The following SLC10A6 variants were observed in gnomAD, a reference collection of about 807,000 sequenced individuals.
SLC10A6 encodes the protein sodium-dependent organic anion transporter.
A neutral mutation model predicts 30.0 loss-of-function variants in SLC10A6; 27 were observed. The observed-to-expected ratio is 0.90, with a 90% CI of 0.66 to 1.24. The LOEUF is 1.24. SLC10A6 is among the 50% of genes most tolerant of loss of function. The pLI is 0.00. For synonymous variants in SLC10A6, 166 were observed against 173.8 expected (o/e 0.95, Z 0.36); for missense variants, 439 against 457.0 (o/e 0.96, Z 0.36).
chr4:86,849,175 C>G lies in SLC10A6; in HGVS notation c.-60G>C, dbSNP rs1198794792. 2.0e-6 allele frequency: 3 copies of G among 1,537,904 alleles called. No individual in the cohort carries two copies. The East Asian group carries it at 6.8e-5, about 35-fold the overall frequency. ...CATCGGCAACAATGGCTGGGCAGGT[C>G]TATCCTGCCACATTTTGTAATAGTG... On this transcript the variant is annotated 5_prime_UTR_variant, in exon 1 of 6. It removes the in-frame stop codon of an upstream open reading frame in the 5' UTR. Transcript: ENST00000273905.
chr4:86,835,763 A>AG (rs1746174300), intron 1 of SLC10A6, among the ~76,000 whole-genome samples: 2 of 145,520 alleles, frequency 1.4e-5, no homozygotes, highest in East Asian at 2.0e-4. Flanking sequence ...GAGAGAGAGA[A>AG]AGAAAAGAAA....
At chr4:86,826,699 G>T (rs1266445970) in intron 4 of SLC10A6, among the ~76,000 whole-genome samples, 1 of 152,064 alleles carries the variant, frequency 6.6e-6, no homozygotes, top group African/African-American at 2.4e-5. Context: ...TGGTTTTCTG[G>T]TTGCATAAAA....
At chr4:86,833,934 T>G (rs1418515772) in intron 1 of SLC10A6, among the ~76,000 whole-genome samples, 1 of 152,174 alleles carries the variant, frequency 6.6e-6, no homozygotes, top group African/African-American at 2.4e-5. Context: ...GGATTACCTG[T>G]TCTGGACATT....
intron 5 of SLC10A6, 97 bp downstream of exon 5, chr4:86,825,323 G>C: frequency 8.7e-7 from 1 of 1,154,152 alleles, no homozygotes. Flanking sequence ...GTGTATCACA[G>C]GGGCAGCACA....
chr4:86,842,786 TTTTCTTTCTTTCTTTCTTTCTTTC>T (rs757772118), intron 1 of SLC10A6, among the ~76,000 whole-genome samples: 5,134 of 106,626 alleles, frequency 0.048, 488 homozygotes, highest in Middle Eastern at 0.095. Context: ...TGGACACCTC[TTTTCTTTCTTTCTTTCTTTCTTTC>T]TTTCTTTCTT....
At chr4:86,831,573 C>T (rs958053248) in intron 3 of SLC10A6, among the ~76,000 whole-genome samples, 2 of 152,098 alleles carry the variant, frequency 1.3e-5, no homozygotes, top group African/African-American at 2.4e-5. Flanking sequence ...TTTTCCAGGG[C>T]GTCATAAGCC....
chr4:86,839,683 C>G (rs1295564189), intron 1 of SLC10A6, among the ~76,000 whole-genome samples: 2 of 152,136 alleles, frequency 1.3e-5, no homozygotes, highest in African/African-American at 4.8e-5. Context: ...ATAATAAACA[C>G]TCTCATACAT....
At position 86,823,489 on chromosome 4, in the gene SLC10A6, C is replaced by T. The variant is rs2149409742; in HGVS notation, c.*199G>A. On this transcript the variant is annotated 3_prime_UTR_variant, in exon 6 of 6. Transcript: ENST00000273905. ...AGCTCATTGATACGTTATGTTAACCCCCAGAAGAAACTCCCTGAAATGGGA... is the reference window on the plus strand; with the variant it reads ...AGCTCATTGATACGTTATGTTAACCTCCAGAAGAAACTCCCTGAAATGGGA... 2.0e-6 allele frequency: 1 copy of T among 504,808 alleles called. No homozygotes were observed. Among genetic ancestry groups the T allele is most frequent in the East Asian group, 3.1e-5 (1 of 31,788 alleles). 31.3% of individuals were successfully genotyped at this position (504,808 alleles called of 1,614,324 possible).
chr4:86,831,003 C>T (rs1746070927), intron 3 of SLC10A6, among the ~76,000 whole-genome samples: 1 of 152,114 alleles, frequency 6.6e-6, no homozygotes, highest in Non-Finnish European at 1.5e-5. Context: ...GATGGGGTCT[C>T]ACTCTGTGAT....
chr4:86,831,083 C>T (rs144055920), intron 3 of SLC10A6, among the ~76,000 whole-genome samples: 1 of 152,290 alleles, frequency 6.6e-6, no homozygotes, highest in East Asian at 1.9e-4. Flanking sequence ...AGCAATCCTC[C>T]CACCTCAGCC....
intron 2 of SLC10A6, among the ~76,000 whole-genome samples, chr4:86,832,221 G>T (rs1746092314): frequency 6.6e-6 from 1 of 152,144 alleles, no homozygotes; most frequent in African/African-American, 2.4e-5. Context: ...TGAGGAAGTG[G>T]GTTCATTCAT....
In SLC10A6 at chr4:86,837,294, G is replaced by GA. The variant is rs1560460401; in HGVS notation, c.378-3871dup. 2.4e-3 allele frequency among the ~76,000 whole-genome samples: 162 copies of GA among 68,440 alleles called. 1 individual carries two copies. The highest frequency in any genetic ancestry group is 6.3e-3 in the South Asian group (14 of 2,212). 44.9% of individuals were successfully genotyped at this position (68,440 alleles called of 152,430 possible). ...AAGAAAGAAAGAAAGAAAAAGAAAG[G>GA]AAGGAAGGAAGGAAGGAAGGAAGGA... On this transcript the variant is annotated intron_variant, in intron 1 of 5. Coordinates refer to ENST00000273905, the MANE Select transcript of SLC10A6 (RefSeq NM_197965.3).
intron 1 of SLC10A6, among the ~76,000 whole-genome samples, chr4:86,835,006 C>T (rs546130524): frequency 2.8e-4 from 42 of 152,210 alleles, no homozygotes; most frequent in Middle Eastern, 3.4e-3. Context: ...ATGAGAGATC[C>T]ACCCCATGAT....
intron 1 of SLC10A6, among the ~76,000 whole-genome samples, chr4:86,840,700 C>T (rs1468534557): frequency 6.6e-6 from 1 of 152,036 alleles, no homozygotes; most frequent in Non-Finnish European, 1.5e-5. Context: ...TTATTAAATG[C>T]CCAAGTGTAC....
intron 1 of SLC10A6, among the ~76,000 whole-genome samples, chr4:86,844,115 T>C (rs925902338): frequency 1.6e-4 from 25 of 152,198 alleles, no homozygotes; most frequent in Middle Eastern, 6.8e-3. Context: ...GAGGCAGAGC[T>C]TGCAGTGAGC....
chr4:86,831,319 C>A (rs1405784332), intron 3 of SLC10A6, among the ~76,000 whole-genome samples: 2 of 152,152 alleles, frequency 1.3e-5, no homozygotes, highest in African/African-American at 2.4e-5. Flanking sequence ...AGTCAGCAGC[C>A]CTTGCTCATG....
chr4:86,823,533 A>G lies in SLC10A6; in HGVS notation c.*155T>C, dbSNP rs1444781768. The stretch of plus-strand genomic sequence containing the variant: ...AATGGGAATCTCCAAAAGTGATCCC[A>G]TCACAATTCACAATCCACATGAAAA... On this transcript the variant is annotated 3_prime_UTR_variant, in exon 6 of 6. Coordinates refer to ENST00000273905, the MANE Select transcript of SLC10A6 (RefSeq NM_197965.3). The G allele has an allele frequency of 6.3e-6, 4 of 630,412 alleles. No individual in the cohort carries two copies. The African/African-American group carries it at 7.4e-5, about 12-fold the overall frequency. The allele number at this position is 630,412 out of a possible 1,614,324, so 39.1% of individuals were successfully genotyped here.
At chr4:86,826,900 GA>G (rs1746009260) in intron 4 of SLC10A6, among the ~76,000 whole-genome samples, 1 of 152,204 alleles carries the variant, frequency 6.6e-6, no homozygotes, top group Admixed American at 6.5e-5. Context: ...AGCTGGACTG[GA>G]ATGGGGAAGT....
intron 2 of SLC10A6, 145 bp downstream of exon 2, chr4:86,833,161 A>G (rs754781461): frequency 3.5e-5 from 19 of 548,142 alleles, no homozygotes; most frequent in Non-Finnish European, 6.0e-5. Context: ...AACTGGTAAC[A>G]GAATCTATAC....
Sources: gnomAD v4.1 joint callset for allele counts (sites outside exome capture counted in the v4.1 genomes callset) on GRCh38, gnomAD v4.1.1 for gene constraint, MANE v1.5 for transcripts, NCBI Gene and HGNC (gene_info 2026-07-23, HGNC 2026-07-21) for gene names.